Variants in RBM20 observed in about 807,000 individuals in gnomAD.
RBM20 encodes the protein RNA binding motif protein 20, also known as RNA-binding protein 20.
In RBM20, 51 loss-of-function variants were observed where a neutral mutation model predicts 110.1. The observed-to-expected ratio is 0.46, with a 90% CI of 0.37 to 0.59. The LOEUF (loss-of-function observed/expected upper bound fraction) is 0.59. RBM20 is among the 20% of genes least tolerant of loss of function. The pLI is 0.00. For synonymous variants in RBM20, 589 were observed against 618.2 expected (o/e 0.95, Z 0.70); for missense variants, 1,512 against 1,574.9 (o/e 0.96, Z 0.68).
chr10:110,755,920 A>G (rs1843914695), intron 1 of RBM20, among the ~76,000 whole-genome samples: 1 of 152,216 alleles, frequency 6.6e-6, no homozygotes, highest in African/African-American at 2.4e-5. Flanking sequence ...TGGAGTGGCC[A>G]CCATCCAGCC....
chr10:110,650,923 A>T (rs1861936878), intron 1 of RBM20, among the ~76,000 whole-genome samples: 1 of 152,220 alleles, frequency 6.6e-6, no homozygotes, highest in South Asian at 2.1e-4. Context: ...GAACAGAATG[A>T]TTTAAGATCA....
intron 7 of RBM20, among the ~76,000 whole-genome samples, 164 bp downstream of exon 7, chr10:110,800,082 A>G (rs1241133461): frequency 6.6e-6 from 1 of 152,228 alleles, no homozygotes; most frequent in Non-Finnish European, 1.5e-5. Flanking sequence ...GCAGCATGGC[A>G]AGAAAAGTGC....
At chr10:110,806,862 C>T (rs1051014065) in intron 7 of RBM20, among the ~76,000 whole-genome samples, 4 of 152,142 alleles carry the variant, frequency 2.6e-5, no homozygotes, top group Admixed American at 1.3e-4. Flanking sequence ...ATGCCTTTAC[C>T]CACAGAATAC....
intron 5 of RBM20, among the ~76,000 whole-genome samples, chr10:110,795,102 G>A (rs1416812862): frequency 3.3e-5 from 5 of 152,206 alleles, no homozygotes; most frequent in African/African-American, 7.2e-5. Context: ...AACGTGCCTC[G>A]CTAAGAGACC....
intron 1 of RBM20, among the ~76,000 whole-genome samples, chr10:110,690,231 C>T (rs1043949077): frequency 1.3e-5 from 2 of 152,008 alleles, no homozygotes; most frequent in Non-Finnish European, 1.5e-5. Flanking sequence ...CACAGTGAGC[C>T]CTCCTGTCTA....
At chr10:110,782,494 A>G (rs769603483) in intron 2 of RBM20, among the ~76,000 whole-genome samples, 7 of 152,226 alleles carry the variant, frequency 4.6e-5, no homozygotes, top group Non-Finnish European at 1.0e-4. Context: ...GCAGTGAAAT[A>G]TTTTGAAGCA....
intron 1 of RBM20, among the ~76,000 whole-genome samples, chr10:110,653,661 A>G (rs560698863): frequency 5.3e-5 from 8 of 152,032 alleles, no homozygotes; most frequent in South Asian, 2.1e-4. Context: ...GGCTCAAGCA[A>G]TCTCCCACCT....
intron 1 of RBM20, among the ~76,000 whole-genome samples, chr10:110,723,685 A>G (rs1005589059): frequency 6.6e-6 from 1 of 152,198 alleles, no homozygotes; most frequent in East Asian, 1.9e-4. Flanking sequence ...ACAATGTTGA[A>G]CATCTTCTCA....
At chr10:110,766,081 C>G (rs1015306704) in intron 1 of RBM20, among the ~76,000 whole-genome samples, 1 of 152,092 alleles carries the variant, frequency 6.6e-6, no homozygotes, top group Non-Finnish European at 1.5e-5. Flanking sequence ...GATGGGGTAG[C>G]TGGGGAAAGT....
intron 1 of RBM20, among the ~76,000 whole-genome samples, chr10:110,650,368 G>A (rs562567527): frequency 1.3e-5 from 2 of 152,252 alleles, no homozygotes; most frequent in South Asian, 2.1e-4. Context: ...CTGTAGGGGA[G>A]ATGGCACATA....
chr10:110,647,813 A>G (rs2134799184), intron 1 of RBM20, among the ~76,000 whole-genome samples: 1 of 152,296 alleles, frequency 6.6e-6, no homozygotes, highest in Admixed American at 6.5e-5. Context: ...ACCTTGATGA[A>G]CGTCAGAAAT....
chr10:110,736,990 C>T (rs1372891498), intron 1 of RBM20, among the ~76,000 whole-genome samples: 1 of 151,486 alleles, frequency 6.6e-6, no homozygotes, highest in East Asian at 1.9e-4. Context: ...GCCTGGCCAA[C>T]GTGGTGAAAC....
rs1159692379 is a variant in RBM20, at chr10:110,748,121, T to C, written c.192-32680T>C. 5.3e-5 allele frequency among the ~76,000 whole-genome samples: 8 copies of C among 152,328 alleles called. No individual in the cohort carries two copies. In the South Asian group the frequency reaches 1.7e-3, roughly 32 times the overall value. ...GGAGAAAGTAGTGTTAACTTTTTTT[T>C]TCATTAATGAGAAAACAATAGGCAG... On this transcript the variant is annotated intron_variant, in intron 1 of 13. Coordinates refer to ENST00000369519, the MANE Select transcript of RBM20 (RefSeq NM_001134363.3).
At chr10:110,656,326 C>T (rs1453667529) in intron 1 of RBM20, among the ~76,000 whole-genome samples, 1 of 151,904 alleles carries the variant, frequency 6.6e-6, no homozygotes, top group African/African-American at 2.4e-5. Flanking sequence ...AAAATTATCA[C>T]CCCACAATGT....
intron 1 of RBM20, among the ~76,000 whole-genome samples, chr10:110,688,649 A>G (rs1005366705): frequency 3.3e-5 from 5 of 152,208 alleles, no homozygotes; most frequent in African/African-American, 9.6e-5. Flanking sequence ...CTTTGCAATA[A>G]TTTTAGATTT....
chr10:110,737,198 C>CAAAAAAAAAAAAAAAAAAA (rs1843681715), intron 1 of RBM20, among the ~76,000 whole-genome samples: 1 of 35,788 alleles, frequency 2.8e-5, no homozygotes, highest in African/African-American at 1.6e-4. Context: ...AAAAAAAAAA[C>CAAAAAAAAAAAAAAAAAAA]ACCCCACACA....
At chr10:110,710,423 C>T (rs1337240665) in intron 1 of RBM20, among the ~76,000 whole-genome samples, 1 of 152,214 alleles carries the variant, frequency 6.6e-6, no homozygotes, top group African/African-American at 2.4e-5. Context: ...GGAGGTAGGC[C>T]CTGCTGCCAG....
chr10:110,821,248 T>G (rs1180504290), intron 10 of RBM20, 27 bp from the exon 11 acceptor site: 1 of 1,541,892 alleles, frequency 6.5e-7, no homozygotes, highest in Non-Finnish European at 8.8e-7. Context: ...AACCACCCTC[T>G]GACCTCCATT....
chr10:110,645,173 T>C (rs141514053), intron 1 of RBM20, among the ~76,000 whole-genome samples: 1 of 152,224 alleles, frequency 6.6e-6, no homozygotes, highest in Non-Finnish European at 1.5e-5. Context: ...TCGAAGAGTT[T>C]AGCTACGCAA....
Sources: allele counts gnomAD v4.1 joint callset (sites outside exome capture counted in the v4.1 genomes callset), GRCh38; gene constraint gnomAD v4.1.1; transcripts MANE v1.5; gene names NCBI Gene and HGNC (gene_info 2026-07-23, HGNC 2026-07-21).